POLA1: variants seen among roughly 807,000 people sequenced by gnomAD.
POLA1 encodes the protein DNA polymerase alpha 1, catalytic subunit, also known as DNA polymerase alpha catalytic subunit.
Under a neutral mutation model 124.0 loss-of-function variants are expected in POLA1, and 15 were observed. The observed-to-expected ratio is 0.12, with a 90% CI of 0.08 to 0.19. POLA1 has a LOEUF of 0.19. POLA1 is among the 10% of genes least tolerant of loss of function. The pLI is 1.00. For synonymous variants in POLA1, 408 were observed against 389.4 expected (o/e 1.05, Z -0.56); for missense variants, 886 against 1,103.4 (o/e 0.80, Z 2.79).
At chrX:24,995,520 C>G (rs1252922805) in intron 36 of POLA1, among the ~76,000 whole-genome samples, 1 of 112,201 alleles carries the variant, frequency 8.9e-6, no homozygotes, top group Non-Finnish European at 1.9e-5. Flanking sequence ...CTCACCTTGT[C>G]TGCTGCACAT....
chrX:24,694,374 A>G (rs754728070), intron 1 of POLA1, among the ~76,000 whole-genome samples: 1 of 112,997 alleles, frequency 8.8e-6, no homozygotes, highest in East Asian at 2.8e-4. Flanking sequence ...GAAGGCTTGA[A>G]CAGAACAGAT....
At chrX:24,907,374 T>C (rs2047384559) in intron 35 of POLA1, among the ~76,000 whole-genome samples, 1 of 110,810 alleles carries the variant, frequency 9.0e-6, no homozygotes, top group Non-Finnish European at 1.9e-5. Flanking sequence ...TGAAACGTCC[T>C]GAGTTGGGCA....
chrX:24,900,177 G>A (rs2047259243), intron 35 of POLA1, among the ~76,000 whole-genome samples: 1 of 112,072 alleles, frequency 8.9e-6, no homozygotes, highest in African/African-American at 3.2e-5. Flanking sequence ...TAGCCTTGAT[G>A]TTTGAAGTAC....
At chrX:24,891,068 A>G (rs1048255937) in intron 35 of POLA1, among the ~76,000 whole-genome samples, 4 of 112,610 alleles carry the variant, frequency 3.6e-5, no homozygotes, top group Admixed American at 9.4e-5. Flanking sequence ...GTTAGTCTAT[A>G]ATCTTAGATC....
intron 34 of POLA1, among the ~76,000 whole-genome samples, chrX:24,872,988 A>G (rs1339041422): frequency 1.8e-5 from 2 of 111,254 alleles, no homozygotes; most frequent in Non-Finnish European, 3.8e-5. Flanking sequence ...CTCATTATCA[A>G]CATCCCCTGC....
chrX:24,812,622 T>C lies in POLA1; in HGVS notation c.3091-36T>C, dbSNP rs1238054365. ...TGTTCATCTTCTCCCTATTAGATGT[T>C]TGAGAAGCTAATACTAATATTTGAA... On this transcript the variant is annotated intron_variant, in intron 28 of 36. Transcript: ENST00000379068. 3 of 837,463 alleles carry C rather than the reference T, an allele frequency of 3.6e-6. No individual in the cohort carries two copies. The South Asian group carries it at 6.5e-5, about 18-fold the overall frequency. 69.0% of individuals were successfully genotyped at this position (837,463 alleles called of 1,213,427 possible).
chrX:24,784,138 C>T (rs770343752), intron 26 of POLA1, among the ~76,000 whole-genome samples: 44 of 103,080 alleles, frequency 4.3e-4, no homozygotes, highest in East Asian at 1.2e-3. Flanking sequence ...CTGCAGCCTC[C>T]GCCTCCAGGG....
chrX:24,812,907 A>C, intron 29 of POLA1, 44 bp downstream of exon 29: 2 of 852,958 alleles, frequency 2.3e-6, no homozygotes. Context: ...TGTCTTTTAA[A>C]AATTCAGGTG....
intron 34 of POLA1, among the ~76,000 whole-genome samples, chrX:24,875,725 A>G (rs1361407199): frequency 8.9e-6 from 1 of 112,090 alleles, no homozygotes; most frequent in Non-Finnish European, 1.9e-5. Flanking sequence ...AAATATGCAG[A>G]TCGTTTCAGA....
At chrX:24,850,814 G>C (rs778468566) in intron 34 of POLA1, among the ~76,000 whole-genome samples, 3 of 112,150 alleles carry the variant, frequency 2.7e-5, no homozygotes, top group Non-Finnish European at 5.6e-5. Flanking sequence ...TGCTGAGAAA[G>C]TGCCTAGAGA....
At chrX:24,968,573 G>A (rs182140174) in intron 36 of POLA1, among the ~76,000 whole-genome samples, 104 of 109,505 alleles carry the variant, frequency 9.5e-4, no homozygotes, top group African/African-American at 3.1e-3. Flanking sequence ...CGTGGTGGCG[G>A]GTGCCTGTAG....
At chrX:24,779,374 G>A (rs1324927294) in intron 26 of POLA1, among the ~76,000 whole-genome samples, 1 of 112,379 alleles carries the variant, frequency 8.9e-6, no homozygotes, top group East Asian at 2.8e-4. Context: ...ACCGCGCCCG[G>A]CCTAGACATT....
At chrX:24,876,686 G>GT (rs1231695594) in intron 34 of POLA1, among the ~76,000 whole-genome samples, 4 of 104,961 alleles carry the variant, frequency 3.8e-5, no homozygotes, top group African/African-American at 1.0e-4. Flanking sequence ...GGGGTCGGGG[G>GT]GGGGGATAGT....
chrX:24,960,737 T>C (rs1461176905), intron 36 of POLA1, among the ~76,000 whole-genome samples: 2 of 111,732 alleles, frequency 1.8e-5, no homozygotes, highest in Non-Finnish European at 3.8e-5. Context: ...AAATATGTTT[T>C]ATTTGTCCAT....
chrX:24,794,264 C>T (rs1417950432), intron 26 of POLA1, among the ~76,000 whole-genome samples: 1 of 112,170 alleles, frequency 8.9e-6, no homozygotes, highest in Non-Finnish European at 1.9e-5. Flanking sequence ...CAGGCGTGAA[C>T]CATCACACCC....
intron 34 of POLA1, among the ~76,000 whole-genome samples, chrX:24,874,965 C>A (rs898031756): frequency 8.9e-6 from 1 of 111,758 alleles, no homozygotes; most frequent in Non-Finnish European, 1.9e-5. Flanking sequence ...GAGTTGGAAA[C>A]GGAACTGCAA....
intron 34 of POLA1, among the ~76,000 whole-genome samples, chrX:24,865,979 C>T (rs1162991588): frequency 9.0e-6 from 1 of 111,626 alleles, no homozygotes; most frequent in Admixed American, 9.5e-5. Flanking sequence ...GACAAAAATA[C>T]GATGTTTTAG....
rs183471225 is a variant in POLA1, at chrX:24,921,409, G to A, written c.4165-9044G>A. 7.4e-3 allele frequency among the ~76,000 whole-genome samples: 827 copies of A among 112,259 alleles called. 8 individuals are homozygous for A. Among genetic ancestry groups the A allele is most frequent in the Non-Finnish European group, 0.013 (685 of 53,242 alleles). On this transcript the variant is annotated intron_variant, in intron 35 of 36. Coordinates refer to ENST00000379068, the MANE Select transcript of POLA1 (RefSeq NM_001330360.2). ...ATAGAAAGACAGTGGTTGACATGAA[G>A]AGAGGGGTATATAAATGGAAATATC...
intron 31 of POLA1, among the ~76,000 whole-genome samples, chrX:24,822,013 AC>A (rs2046095992): frequency 9.0e-6 from 1 of 110,952 alleles, no homozygotes; most frequent in Admixed American, 9.6e-5. Context: ...CTATGAACAT[AC>A]CCTATGAGGA....
Sources: allele counts gnomAD v4.1 joint callset (sites outside exome capture counted in the v4.1 genomes callset), GRCh38; gene constraint gnomAD v4.1.1; transcripts MANE v1.5; gene names NCBI Gene and HGNC (gene_info 2026-07-23, HGNC 2026-07-21).